The following SLC24A2 variants were observed in gnomAD, a reference collection of about 807,000 sequenced individuals.
The protein encoded by SLC24A2 is sodium/potassium/calcium exchanger 2.
Under a neutral mutation model 62.0 loss-of-function variants are expected in SLC24A2, and 36 were observed. The observed-to-expected ratio is 0.58, with a 90% CI of 0.44 to 0.77. The LOEUF is 0.77. SLC24A2 is among the 30% of genes least tolerant of loss of function. The pLI is 0.00. For missense variants in SLC24A2, 846 were observed against 817.9 expected (o/e 1.03, Z -0.42); for synonymous variants, 358 against 294.0 (o/e 1.22, Z -2.23).
chr9:20,165,748 G>A, the SLC24A2 span, among the ~76,000 whole-genome samples: 4 of 151,784 alleles, frequency 2.6e-5, no homozygotes, highest in East Asian at 7.8e-4. Flanking sequence ...CTTTCTAAAT[G>A]TGACTCAAAA....
chr9:20,101,666 T>G, the SLC24A2 span, among the ~76,000 whole-genome samples: 1 of 152,150 alleles, frequency 6.6e-6, no homozygotes, highest in East Asian at 1.9e-4. Context: ...AATGGAGACC[T>G]GACCTTTCCC....
At chr9:19,714,308 G>A (rs1042242519) in intron 2 of SLC24A2, among the ~76,000 whole-genome samples, 2 of 152,192 alleles carry the variant, frequency 1.3e-5, no homozygotes, top group African/African-American at 4.8e-5. Context: ...TCCTCTTCCA[G>A]ATGGGGTGCA....
chr9:19,591,764 T>C (rs962527447), intron 5 of SLC24A2, among the ~76,000 whole-genome samples: 1 of 152,226 alleles, frequency 6.6e-6, no homozygotes, highest in Non-Finnish European at 1.5e-5. Flanking sequence ...AGCTGCCATG[T>C]CTTGTCTGCT....
the SLC24A2 span, among the ~76,000 whole-genome samples, chr9:20,251,540 A>C: frequency 6.6e-6 from 1 of 152,152 alleles, no homozygotes; most frequent in East Asian, 1.9e-4. Context: ...ATCACTTTTT[A>C]ATAGGGAGGA....
the SLC24A2 span, among the ~76,000 whole-genome samples, chr9:19,894,498 C>T: frequency 1.8e-4 from 28 of 151,946 alleles, no homozygotes; most frequent in African/African-American, 5.3e-4. Flanking sequence ...ATTGATGAAA[C>T]GGCCAATTTT....
the SLC24A2 span, among the ~76,000 whole-genome samples, chr9:20,062,090 G>A: frequency 1.3e-3 from 205 of 152,226 alleles, 2 homozygotes; most frequent in South Asian, 3.1e-3. Flanking sequence ...ATACCCAGGC[G>A]TGGTGGCACA....
the SLC24A2 span, among the ~76,000 whole-genome samples, chr9:20,035,437 CA>C: frequency 6.6e-6 from 1 of 152,006 alleles, no homozygotes. Context: ...TGGAGACTTC[CA>C]ATGAAAAATG....
At chr9:19,560,964 C>T (rs1334589098) in intron 7 of SLC24A2, among the ~76,000 whole-genome samples, 2 of 150,568 alleles carry the variant, frequency 1.3e-5, no homozygotes, top group African/African-American at 4.9e-5. Flanking sequence ...CTTACTCTGT[C>T]ACCCAGGTGG....
the SLC24A2 span, among the ~76,000 whole-genome samples, chr9:20,097,590 A>C: frequency 6.6e-6 from 1 of 152,136 alleles, no homozygotes; most frequent in Non-Finnish European, 1.5e-5. Flanking sequence ...CTGAGAATAC[A>C]AATCAAACTT....
At chr9:20,253,861 C>A in the SLC24A2 span, among the ~76,000 whole-genome samples, 42 of 152,176 alleles carry the variant, frequency 2.8e-4, no homozygotes, top group South Asian at 3.9e-3. Context: ...TGTCATGACC[C>A]GTTCTGGGCA....
chr9:20,100,141 A>T, the SLC24A2 span, among the ~76,000 whole-genome samples: 1 of 151,922 alleles, frequency 6.6e-6, no homozygotes, highest in African/African-American at 2.4e-5. Flanking sequence ...TCCCTGCCAT[A>T]GCTGGGATGG....
intron 2 of SLC24A2, among the ~76,000 whole-genome samples, chr9:19,692,694 C>A (rs986437335): frequency 6.6e-6 from 1 of 152,064 alleles, no homozygotes; most frequent in Non-Finnish European, 1.5e-5. Flanking sequence ...GCATCACATT[C>A]TTATTTGCTG....
At chr9:19,872,001 T>C in the SLC24A2 span, among the ~76,000 whole-genome samples, 3 of 152,144 alleles carry the variant, frequency 2.0e-5, no homozygotes, top group Admixed American at 6.6e-5. Flanking sequence ...GTGGTTGTTA[T>C]ATATCAGGAT....
chr9:19,878,433 G>A, the SLC24A2 span, among the ~76,000 whole-genome samples: 1 of 152,108 alleles, frequency 6.6e-6, no homozygotes, highest in African/African-American at 2.4e-5. Context: ...TCTTAAGAAA[G>A]CAGAATAGAA....
At chr9:20,203,463 C>T in the SLC24A2 span, among the ~76,000 whole-genome samples, 2 of 152,102 alleles carry the variant, frequency 1.3e-5, no homozygotes, top group South Asian at 2.1e-4. Flanking sequence ...TCAGGCAAGC[C>T]GCTTAAGCTC....
chr9:20,123,607 C>G, the SLC24A2 span, among the ~76,000 whole-genome samples: 1 of 152,248 alleles, frequency 6.6e-6, no homozygotes, highest in South Asian at 2.1e-4. Context: ...TTTTCTATAA[C>G]TGTACAATAG....
the SLC24A2 span, among the ~76,000 whole-genome samples, chr9:19,979,373 T>G: frequency 6.6e-6 from 1 of 152,154 alleles, no homozygotes; most frequent in Non-Finnish European, 1.5e-5. Context: ...GAACACATCA[T>G]CACAGGTTCA....
chr9:20,287,347 A>G, the SLC24A2 span, among the ~76,000 whole-genome samples: 1 of 152,120 alleles, frequency 6.6e-6, no homozygotes, highest in Non-Finnish European at 1.5e-5. Context: ...GACCCATGGG[A>G]GGCTGCGGGA....
the SLC24A2 span, among the ~76,000 whole-genome samples, chr9:20,293,141 G>C: frequency 1.3e-5 from 2 of 152,208 alleles, no homozygotes; most frequent in Non-Finnish European, 2.9e-5. Context: ...TTAGGGACCA[G>C]TCCTACTCTT....
Sources: gnomAD v4.1 joint callset for allele counts (sites outside exome capture counted in the v4.1 genomes callset) on GRCh38, gnomAD v4.1.1 for gene constraint, MANE v1.5 for transcripts, NCBI Gene and HGNC (gene_info 2026-07-23, HGNC 2026-07-21) for gene names.